Variants in DPP10 observed in about 807,000 individuals in gnomAD.
DPP10 encodes the protein inactive dipeptidyl peptidase 10.
A neutral mutation model predicts 120.9 loss-of-function variants in DPP10; 33 were observed. The ratio of observed to expected loss-of-function variants is 0.27; its 90% CI spans 0.21 to 0.37. The LOEUF is 0.37. Among genes scored for constraint, DPP10 ranks in the 10% least tolerant of loss-of-function variants. DPP10 has a pLI of 1.00. For synonymous variants in DPP10, 337 were observed against 326.1 expected (o/e 1.03, Z -0.36); for missense variants, 816 against 942.8 (o/e 0.87, Z 1.76).
chr2:114,740,371 G>C (rs57138755), intron 1 of DPP10, among the ~76,000 whole-genome samples: 2 of 92,574 alleles, frequency 2.2e-5, no homozygotes, highest in Non-Finnish European at 2.1e-5. Context: ...GTGGGGGGAG[G>C]GGGGAGGGAT....
At chr2:115,020,983 C>T (rs1303265349) in intron 1 of DPP10, among the ~76,000 whole-genome samples, 1 of 152,012 alleles carries the variant, frequency 6.6e-6, no homozygotes, top group Non-Finnish European at 1.5e-5. Context: ...ATAATACTGA[C>T]ACAACCTATC....
chr2:115,630,064 G>C (rs1049241534), intron 5 of DPP10, among the ~76,000 whole-genome samples: 3 of 151,996 alleles, frequency 2.0e-5, no homozygotes, highest in African/African-American at 7.3e-5. Flanking sequence ...ATTTGTCTGT[G>C]TCCTATCTTA....
chr2:114,511,090 C>T (rs1055755526), intron 1 of DPP10, among the ~76,000 whole-genome samples: 1 of 152,098 alleles, frequency 6.6e-6, no homozygotes, highest in Non-Finnish European at 1.5e-5. Context: ...TGGGGACTAA[C>T]AATTCAATCT....
intron 1 of DPP10, among the ~76,000 whole-genome samples, chr2:114,619,466 A>C (rs900870462): frequency 1.3e-5 from 2 of 151,690 alleles, no homozygotes; most frequent in African/African-American, 2.4e-5. Flanking sequence ...GAATGTCTTC[A>C]ACATTTTTCC....
intron 3 of DPP10, among the ~76,000 whole-genome samples, chr2:115,480,422 TC>T (rs1391412915): frequency 6.6e-6 from 1 of 152,158 alleles, no homozygotes; most frequent in African/African-American, 2.4e-5. Context: ...CGTTCCTACT[TC>T]CTAGGGACAT....
At position 114,963,529 on chromosome 2, in the gene DPP10, T is replaced by C. The variant is rs572030703; in HGVS notation, c.61-345710T>C. Among the ~76,000 whole-genome samples, 9 of 152,270 alleles carry C rather than the reference T, an allele frequency of 5.9e-5. No individual in the cohort carries two copies. In the South Asian group the frequency reaches 8.3e-4, roughly 14 times the overall value. On this transcript the variant is annotated intron_variant, in intron 1 of 25. Coordinates refer to ENST00000410059, the MANE Select transcript of DPP10 (RefSeq NM_020868.6). ...TCAGAGATGTAAAATTTATATGAGG[T>C]ACCAAAACATCATGTTATAGATTCC...
intron 1 of DPP10, among the ~76,000 whole-genome samples, chr2:114,695,667 C>G (rs1208494401): frequency 6.6e-6 from 1 of 152,012 alleles, no homozygotes; most frequent in African/African-American, 2.4e-5. Flanking sequence ...TCCCTTTTAT[C>G]TTGCTTTATT....
intron 1 of DPP10, among the ~76,000 whole-genome samples, chr2:114,896,121 G>A (rs1053718917): frequency 6.6e-6 from 1 of 152,144 alleles, no homozygotes; most frequent in African/African-American, 2.4e-5. Context: ...GTACCATGCT[G>A]TTTTGGTTAC....
chr2:115,645,208 T>A (rs2087133724), intron 5 of DPP10, among the ~76,000 whole-genome samples: 1 of 152,212 alleles, frequency 6.6e-6, no homozygotes, highest in Admixed American at 6.5e-5. Context: ...TTCCTTATGT[T>A]ATAGGCCAAG....
intron 19 of DPP10, among the ~76,000 whole-genome samples, chr2:115,806,669 C>G (rs1374374690): frequency 6.6e-6 from 1 of 152,116 alleles, no homozygotes; most frequent in African/African-American, 2.4e-5. Context: ...ACATATGTAT[C>G]CTTCGATATG....
intron 1 of DPP10, among the ~76,000 whole-genome samples, chr2:114,999,551 G>T (rs1024093629): frequency 6.6e-6 from 1 of 152,128 alleles, no homozygotes; most frequent in African/African-American, 2.4e-5. Context: ...CTCTGCAGCT[G>T]CATTAAAAAT....
intron 1 of DPP10, among the ~76,000 whole-genome samples, chr2:115,255,151 C>T (rs1270821086): frequency 6.6e-6 from 1 of 152,220 alleles, no homozygotes; most frequent in Non-Finnish European, 1.5e-5. Context: ...TTCTGTAAAT[C>T]TTCTGAAATC....
chr2:114,868,149 TA>T (rs771400199), intron 1 of DPP10, among the ~76,000 whole-genome samples: 9 of 152,182 alleles, frequency 5.9e-5, no homozygotes, highest in Non-Finnish European at 1.3e-4. Flanking sequence ...TTTGAATACT[TA>T]AGACCCTCAA....
chr2:114,560,285 C>T (rs1488005551), intron 1 of DPP10, among the ~76,000 whole-genome samples: 3 of 152,074 alleles, frequency 2.0e-5, no homozygotes, highest in Non-Finnish European at 2.9e-5. Context: ...AATTCAAGGT[C>T]TTTGCATAAA....
At chr2:114,521,804 G>GTT (rs758908081) in intron 1 of DPP10, among the ~76,000 whole-genome samples, 1,254 of 112,704 alleles carry the variant, frequency 0.011, 30 homozygotes, top group Non-Finnish European at 0.013. Context: ...ATTATCCAAG[G>GTT]TTTTTTTTTT....
chr2:115,330,718 C>T (rs534273999), intron 2 of DPP10, among the ~76,000 whole-genome samples: 2,061 of 152,064 alleles, frequency 0.014, 27 homozygotes, highest in Middle Eastern at 0.051. Context: ...TTGTTTTTCT[C>T]AGGTTTGTCA....
chr2:115,579,516 CTG>C (rs2081893151), intron 5 of DPP10: 1 of 152,216 alleles, frequency 6.6e-6, no homozygotes, highest in Non-Finnish European at 1.5e-5. Flanking sequence ...AGCAATGTTT[CTG>C]TGTTTCCAAA....
intron 16 of DPP10, among the ~76,000 whole-genome samples, chr2:115,781,457 A>G (rs1265477428): frequency 6.6e-6 from 1 of 151,924 alleles, no homozygotes; most frequent in African/African-American, 2.4e-5. Flanking sequence ...TACATTCACC[A>G]TTATTACTTC....
intron 1 of DPP10, among the ~76,000 whole-genome samples, chr2:115,137,200 G>T (rs2050692042): frequency 6.6e-6 from 1 of 152,138 alleles, no homozygotes; most frequent in South Asian, 2.1e-4. Context: ...TCTATTTGGG[G>T]TTTTCATTTT....
Sources: allele counts gnomAD v4.1 joint callset (sites outside exome capture counted in the v4.1 genomes callset), GRCh38; gene constraint gnomAD v4.1.1; transcripts MANE v1.5; gene names NCBI Gene and HGNC (gene_info 2026-07-23, HGNC 2026-07-21).